ADGRL3: variants seen among roughly 807,000 people sequenced by gnomAD.
The protein encoded by ADGRL3 is adhesion G protein-coupled receptor L3.
ADGRL3 carries 62 observed loss-of-function variants against 153.5 expected under a neutral mutation model. That is an observed-to-expected ratio of 0.40 (90% CI 0.33 to 0.50). ADGRL3 has a LOEUF of 0.50. ADGRL3 is among the 20% of genes least tolerant of loss of function. ADGRL3 has a pLI of 0.47. For synonymous variants in ADGRL3, 710 were observed against 672.5 expected, an observed-to-expected ratio of 1.06 and a Z score of -0.86; for missense variants, 1,641 against 1,859.4, an observed-to-expected ratio of 0.88 and a Z score of 2.16.
At chr4:61,684,254 C>A (rs2095401461) in intron 6 of ADGRL3, among the ~76,000 whole-genome samples, 2 of 152,024 alleles carry the variant, frequency 1.3e-5, no homozygotes, top group Admixed American at 6.6e-5. Flanking sequence ...TCTGTGAAAA[C>A]CAACTTTGGC....
At chr4:61,428,549 A>G (rs1194643172) in intron 2 of ADGRL3, among the ~76,000 whole-genome samples, 1 of 152,202 alleles carries the variant, frequency 6.6e-6, no homozygotes, top group Non-Finnish European at 1.5e-5. Flanking sequence ...TCAAATATTG[A>G]GAGACAGTGT....
chr4:61,761,208 A>C (rs1170832404), intron 8 of ADGRL3, among the ~76,000 whole-genome samples: 3 of 152,184 alleles, frequency 2.0e-5, no homozygotes, highest in African/African-American at 4.8e-5. Context: ...CTAAACCATA[A>C]TTTCTAAACT....
At chr4:61,760,619 C>A (rs373114118) in intron 8 of ADGRL3, among the ~76,000 whole-genome samples, 1 of 152,176 alleles carries the variant, frequency 6.6e-6, no homozygotes. Flanking sequence ...TGAGGCGATG[C>A]CTCGCCCTGC....
At chr4:61,772,362 C>T (rs894671912) in intron 8 of ADGRL3, among the ~76,000 whole-genome samples, 1 of 152,172 alleles carries the variant, frequency 6.6e-6, no homozygotes, top group African/African-American at 2.4e-5. Flanking sequence ...CCAATGCAGT[C>T]CCATCCTCAT....
intron 8 of ADGRL3, among the ~76,000 whole-genome samples, chr4:61,737,720 A>C (rs1330113631): frequency 7.9e-5 from 12 of 152,134 alleles, no homozygotes; most frequent in Non-Finnish European, 1.6e-4. Context: ...CTTTTAAAGC[A>C]CTGCAGCTCA....
intron 15 of ADGRL3, among the ~76,000 whole-genome samples, chr4:61,945,762 C>G (rs1359535981): frequency 1.3e-5 from 2 of 151,734 alleles, no homozygotes; most frequent in Non-Finnish European, 2.9e-5. Context: ...CTTGCGCTTC[C>G]CAGGTGAGGC....
intron 2 of ADGRL3, among the ~76,000 whole-genome samples, chr4:61,447,046 C>G (rs943497008): frequency 2.0e-5 from 3 of 152,106 alleles, no homozygotes; most frequent in Non-Finnish European, 4.4e-5. Flanking sequence ...AACTGAATTA[C>G]TTTCCCAGTT....
chr4:61,501,892 T>C (rs1426700219), intron 3 of ADGRL3, among the ~76,000 whole-genome samples: 1 of 152,224 alleles, frequency 6.6e-6, no homozygotes, highest in Non-Finnish European at 1.5e-5. Flanking sequence ...GTCCATATTC[T>C]GTGTCTCTGT....
intron 8 of ADGRL3, among the ~76,000 whole-genome samples, chr4:61,778,025 T>C (rs2097173054): frequency 6.6e-6 from 1 of 152,134 alleles, no homozygotes. Flanking sequence ...ATCTAAAACT[T>C]TTTGAGTGTC....
At chr4:61,299,517 A>G (rs1290163339) in intron 1 of ADGRL3, among the ~76,000 whole-genome samples, 3 of 152,232 alleles carry the variant, frequency 2.0e-5, no homozygotes, top group East Asian at 1.9e-4. Flanking sequence ...ATATGGAATT[A>G]GAGACATCAA....
intron 2 of ADGRL3, among the ~76,000 whole-genome samples, chr4:61,482,207 T>A (rs958487624): frequency 6.6e-6 from 1 of 152,204 alleles, no homozygotes; most frequent in Non-Finnish European, 1.5e-5. Flanking sequence ...TTGGCACATG[T>A]GTACTTACTG....
Position 61,895,771 on chromosome 4 carries a change from G to A in ADGRL3, c.1824G>A (p.Trp608Ter). ...TATGCCTTGCTCCTGATGGAATTTG[G>A]GATCCCCAAGGTCCAGATCTCAGCA... The part of the protein sequence containing the change: ...TYLCLAPDGI[W>*]DPQGPDLSNC... Residue 608 changes from tryptophan to a stop codon, truncating the protein, a stop_gained, in exon 11 of 27, where the codon TGG (tryptophan) becomes TGA (stop). Coordinates refer to ENST00000683033, the MANE Select transcript of ADGRL3 (RefSeq NM_001387552.1). LOFTEE classifies it high-confidence loss of function. The A allele has an allele frequency of 6.2e-7, 1 of 1,600,168 alleles. No homozygotes were observed.
chr4:61,524,792 G>T (rs1209924212), intron 4 of ADGRL3, among the ~76,000 whole-genome samples: 3 of 151,976 alleles, frequency 2.0e-5, no homozygotes, highest in Admixed American at 6.6e-5. Flanking sequence ...TCAAAACAGA[G>T]ATATATAATG....
At chr4:61,743,726 C>A (rs191421367) in intron 8 of ADGRL3, among the ~76,000 whole-genome samples, 5 of 152,008 alleles carry the variant, frequency 3.3e-5, no homozygotes, top group African/African-American at 1.2e-4. Flanking sequence ...AAGACAGGGG[C>A]TGGAGCCAAG....
At chr4:61,679,534 T>C (rs1580242770) in intron 6 of ADGRL3, among the ~76,000 whole-genome samples, 1 of 152,132 alleles carries the variant, frequency 6.6e-6, no homozygotes, top group East Asian at 1.9e-4. Flanking sequence ...TTAATGACTC[T>C]TTAATGATGA....
chr4:61,636,510 T>C (rs905204685), intron 5 of ADGRL3, among the ~76,000 whole-genome samples: 1 of 152,062 alleles, frequency 6.6e-6, no homozygotes, highest in African/African-American at 2.4e-5. Context: ...TCCACCAAAA[T>C]ATCTTTTAAA....
chr4:61,960,319 G>C (rs2098983006), intron 17 of ADGRL3, among the ~76,000 whole-genome samples: 1 of 152,132 alleles, frequency 6.6e-6, no homozygotes, highest in African/African-American at 2.4e-5. Flanking sequence ...GATCACCTGG[G>C]GAAAGACAGA....
chr4:61,975,837 T>G (rs939669277), intron 17 of ADGRL3, among the ~76,000 whole-genome samples: 1 of 152,108 alleles, frequency 6.6e-6, no homozygotes, highest in Admixed American at 6.5e-5. Context: ...GCCAGAACAT[T>G]TTCAAGAATG....
intron 2 of ADGRL3, among the ~76,000 whole-genome samples, chr4:61,395,221 G>T (rs890795860): frequency 6.6e-6 from 1 of 151,926 alleles, no homozygotes; most frequent in African/African-American, 2.4e-5. Flanking sequence ...AAATATCCAA[G>T]AAAAATGAAT....
Sources: gnomAD v4.1 joint callset for allele counts (sites outside exome capture counted in the v4.1 genomes callset) on GRCh38, gnomAD v4.1.1 for gene constraint, MANE v1.5 for transcripts, NCBI Gene and HGNC (gene_info 2026-07-23, HGNC 2026-07-21) for gene names.